Variants in PCDH15 observed in about 807,000 individuals in gnomAD.
The protein encoded by PCDH15 is protocadherin-15.
Under a neutral mutation model 178.5 loss-of-function variants are expected in PCDH15, and 129 were observed. That is an observed-to-expected ratio of 0.72 (90% CI 0.63 to 0.84). The LOEUF is 0.84. Among genes scored for constraint, PCDH15 ranks in the 40% least tolerant of loss-of-function variants. The probability of loss-of-function intolerance (pLI) is 0.00; values close to 1 mark genes in which losing one functional copy is unlikely to be tolerated. For synonymous variants in PCDH15, 800 were observed against 732.0 expected (o/e 1.09, Z -1.50); for missense variants, 2,230 against 2,099.9 (o/e 1.06, Z -1.21).
intron 2 of PCDH15, among the ~76,000 whole-genome samples, chr10:54,558,560 C>G (rs1316983): frequency 0.25 from 38,041 of 151,934 alleles, 5,075 homozygotes; most frequent in Admixed American, 0.34. Flanking sequence ...TTTGACTTCC[C>G]TCTTCTGAAA....
At chr10:54,181,991 C>A (rs891502600) in intron 13 of PCDH15, among the ~76,000 whole-genome samples, 1 of 152,128 alleles carries the variant, frequency 6.6e-6, no homozygotes, top group Non-Finnish European at 1.5e-5. Context: ...CGGAGTCTCT[C>A]TCTGTCCCCA....
intron 10 of PCDH15, among the ~76,000 whole-genome samples, chr10:54,211,398 G>A (rs1591194198): frequency 1.3e-5 from 2 of 152,086 alleles, no homozygotes; most frequent in Non-Finnish European, 2.9e-5. Context: ...TTAGGATAGT[G>A]TTTTGGAATG....
chr10:53,975,016 A>G (rs2090072321), intron 21 of PCDH15, among the ~76,000 whole-genome samples: 3 of 152,148 alleles, frequency 2.0e-5, no homozygotes, highest in Admixed American at 6.5e-5. Context: ...TCCCACTTAT[A>G]AGTGAAAACA....
At chr10:55,082,704 TA>T (rs1842074354) in intron 2 of PCDH15, among the ~76,000 whole-genome samples, 1 of 151,022 alleles carries the variant, frequency 6.6e-6, no homozygotes, top group Non-Finnish European at 1.5e-5. Flanking sequence ...TAAATAAAAT[TA>T]GAGATGAAAA....
intron 28 of PCDH15, among the ~76,000 whole-genome samples, chr10:53,849,154 G>C (rs1466170859): frequency 2.0e-5 from 3 of 152,040 alleles, no homozygotes; most frequent in Non-Finnish European, 4.4e-5. Context: ...AAAGTAGAAA[G>C]AATATTGATT....
chr10:54,289,365 C>T (rs2059246618), intron 8 of PCDH15, among the ~76,000 whole-genome samples: 1 of 152,224 alleles, frequency 6.6e-6, no homozygotes, highest in South Asian at 2.1e-4. Flanking sequence ...ACAAAAAGGA[C>T]ATTTATACCA....
intron 8 of PCDH15, among the ~76,000 whole-genome samples, chr10:54,299,745 C>T (rs1433595320): frequency 6.6e-6 from 1 of 152,172 alleles, no homozygotes; most frequent in Admixed American, 6.5e-5. Flanking sequence ...TAAGGAAACT[C>T]TTGTAGAAGC....
At chr10:54,697,515 G>GTATA (rs141387823) in intron 1 of PCDH15, among the ~76,000 whole-genome samples, 1,786 of 143,064 alleles carry the variant, frequency 0.012, 18 homozygotes, top group Middle Eastern at 0.019. Context: ...TGAAATGTGT[G>GTATA]TATATATATA....
At chr10:54,395,008 G>A (rs751749000) in intron 3 of PCDH15, among the ~76,000 whole-genome samples, 13 of 151,828 alleles carry the variant, frequency 8.6e-5, no homozygotes, top group Non-Finnish European at 1.8e-4. Context: ...TTCTTTTTTC[G>A]AGGTGCCCAC....
chr10:55,032,121 T>C (rs1840626456), intron 2 of PCDH15, among the ~76,000 whole-genome samples: 1 of 152,158 alleles, frequency 6.6e-6, no homozygotes, highest in Non-Finnish European at 1.5e-5. Context: ...TCAGTTGTCT[T>C]AGTGATTACC....
At chr10:55,453,655 CA>C (rs1839483195) in intron 2 of PCDH15, among the ~76,000 whole-genome samples, 1 of 152,074 alleles carries the variant, frequency 6.6e-6, no homozygotes, top group Non-Finnish European at 1.5e-5. Flanking sequence ...GCTTCAACTA[CA>C]ATTCCTCTAG....
intron 2 of PCDH15, among the ~76,000 whole-genome samples, chr10:55,334,225 T>TATATATATATATATATATATATATATAG: frequency 1.2e-5 from 1 of 82,480 alleles, no homozygotes; most frequent in African/African-American, 6.4e-5. Context: ...GTGCTCCATA[T>TATATATATATATATATATATATATATAG]ATATATATAT....
At chr10:55,289,639 T>C (rs559430828) in intron 1 of PCDH15, among the ~76,000 whole-genome samples, 8 of 152,264 alleles carry the variant, frequency 5.3e-5, no homozygotes, top group African/African-American at 1.7e-4. Context: ...TAGGGATCCA[T>C]AAATTTCCTA....
intron 2 of PCDH15, among the ~76,000 whole-genome samples, chr10:55,018,197 A>G (rs1223224520): frequency 6.6e-6 from 1 of 152,048 alleles, no homozygotes; most frequent in African/African-American, 2.4e-5. Flanking sequence ...TTGCAGTATA[A>G]TCTGGAAAAA....
chr10:54,062,248 A>AAAAAAAAAAAAAAAAAAAAAAAAAT (rs2094039380), intron 18 of PCDH15, among the ~76,000 whole-genome samples: 2 of 119,928 alleles, frequency 1.7e-5, no homozygotes. Context: ...AAAAAAAAAA[A>AAAAAAAAAAAAAAAAAAAAAAAAAT]AAAACAAAAA....
intron 18 of PCDH15, among the ~76,000 whole-genome samples, chr10:54,059,648 C>A (rs934529974): frequency 6.6e-6 from 1 of 152,168 alleles, no homozygotes; most frequent in Non-Finnish European, 1.5e-5. Context: ...GTATAGCAGT[C>A]TGCATTTCTA....
At chr10:55,472,079 A>T (rs1839967437) in intron 2 of PCDH15, among the ~76,000 whole-genome samples, 1 of 152,146 alleles carries the variant, frequency 6.6e-6, no homozygotes, top group Non-Finnish European at 1.5e-5. Flanking sequence ...AGATTTTCAT[A>T]GTGGTAACTT....
chr10:54,680,978 A>G (rs1267284515), intron 1 of PCDH15, among the ~76,000 whole-genome samples: 1 of 152,192 alleles, frequency 6.6e-6, no homozygotes, highest in Non-Finnish European at 1.5e-5. Context: ...AGACCTGAAT[A>G]AACTAAGGGA....
At chr10:55,120,433 T>C (rs764278393) in intron 2 of PCDH15, among the ~76,000 whole-genome samples, 12 of 152,194 alleles carry the variant, frequency 7.9e-5, no homozygotes, top group Non-Finnish European at 1.5e-4. Context: ...CCCAATTCCT[T>C]GGGACTAGAC....
Sources: allele counts gnomAD v4.1 joint callset (sites outside exome capture counted in the v4.1 genomes callset), GRCh38; gene constraint gnomAD v4.1.1; transcripts MANE v1.5; gene names NCBI Gene and HGNC (gene_info 2026-07-23, HGNC 2026-07-21).